Variants in DNAH7 observed in about 807,000 individuals in gnomAD.
The protein encoded by DNAH7 is dynein axonemal heavy chain 7.
Under a neutral mutation model 444.6 loss-of-function variants are expected in DNAH7, and 397 were observed. The ratio of observed to expected loss-of-function variants is 0.89; its 90% CI spans 0.82 to 0.97. The LOEUF (loss-of-function observed/expected upper bound fraction) is 0.97. Ranked by LOEUF, DNAH7 falls within the 50% of genes least tolerant of loss-of-function variation. DNAH7 has a pLI of 0.00. For missense variants in DNAH7, 4,902 were observed against 4,800.8 expected, an observed-to-expected ratio of 1.02 and a Z score of -0.62; for synonymous variants, 1,636 against 1,624.4, an observed-to-expected ratio of 1.01 and a Z score of -0.17.
At chr2:195,849,710 C>T (rs1445105268) in intron 46 of DNAH7, among the ~76,000 whole-genome samples, 1 of 152,126 alleles carries the variant, frequency 6.6e-6, no homozygotes, top group Non-Finnish European at 1.5e-5. Flanking sequence ...AAGCAATCCA[C>T]CCACCTCAGC....
At chr2:195,761,664 G>A (rs1694356981) in intron 61 of DNAH7, among the ~76,000 whole-genome samples, 1 of 152,176 alleles carries the variant, frequency 6.6e-6, no homozygotes, top group South Asian at 2.1e-4. Flanking sequence ...TACAGGCCAT[G>A]AGAAAGTGGC....
intron 39 of DNAH7, 59 bp from the exon 40 acceptor site, chr2:195,872,528 C>A: frequency 3.4e-6 from 4 of 1,180,864 alleles, no homozygotes; most frequent in Admixed American, 2.3e-5. Flanking sequence ...AATTACGACA[C>A]AAAAAGGATA....
At chr2:195,874,435 G>A (rs1700904734) in intron 38 of DNAH7, among the ~76,000 whole-genome samples, 2 of 152,114 alleles carry the variant, frequency 1.3e-5, no homozygotes, top group Admixed American at 1.3e-4. Flanking sequence ...CAGAAATGGG[G>A]TCCGAAAGGA....
intron 61 of DNAH7, among the ~76,000 whole-genome samples, chr2:195,770,860 C>T (rs1257335181): frequency 6.7e-6 from 1 of 150,058 alleles, no homozygotes; most frequent in Non-Finnish European, 1.5e-5. Flanking sequence ...CACCACAATG[C>T]CCAGCATTTT....
chr2:195,985,513 T>C (rs953446962), intron 14 of DNAH7, among the ~76,000 whole-genome samples: 2 of 152,216 alleles, frequency 1.3e-5, no homozygotes, highest in African/African-American at 2.4e-5. Context: ...TGTGACAGAC[T>C]TCTGCCCTCT....
chr2:195,913,308 T>C (rs1409697948), intron 24 of DNAH7, among the ~76,000 whole-genome samples: 2 of 152,174 alleles, frequency 1.3e-5, no homozygotes, highest in East Asian at 1.9e-4. Context: ...TTATTAACTT[T>C]AGGCTTTATT....
chr2:195,770,915 G>A lies in DNAH7; in HGVS notation c.11433+745C>T, dbSNP rs1481559855. Among the ~76,000 whole-genome samples, 9 of 151,368 alleles carry A rather than the reference G, an allele frequency of 5.9e-5. 1 individual carries two copies. The South Asian group carries it at 1.7e-3, about 28-fold the overall frequency. ...GACAAGGTCTTGCTGTGTTGCCAAG[G>A]AAGTTCTCAAACTCAAGCAGTCCTC... On this transcript the variant is annotated intron_variant, in intron 61 of 64. Transcript: ENST00000312428.
chr2:196,019,619 T>C (rs906962020), intron 8 of DNAH7, among the ~76,000 whole-genome samples: 4 of 152,216 alleles, frequency 2.6e-5, no homozygotes, highest in African/African-American at 9.6e-5. Flanking sequence ...CTATCTCTCA[T>C]AAACATCTTC....
chr2:195,936,199 C>A (rs1689039597), intron 20 of DNAH7, among the ~76,000 whole-genome samples: 2 of 151,966 alleles, frequency 1.3e-5, no homozygotes, highest in African/African-American at 4.8e-5. Flanking sequence ...CATGGTGAAA[C>A]CCTGTCCCTA....
chr2:195,864,330 C>T lies in DNAH7; in HGVS notation c.7325G>A (p.Arg2442His), dbSNP rs367603249. The T allele has an allele frequency of 6.6e-5, 106 of 1,614,116 alleles. No homozygotes were observed. The highest frequency in any genetic ancestry group is 2.4e-4 in the South Asian group (22 of 91,076). The stretch of plus-strand genomic sequence containing the variant: ...TGTTTGCTTGGTTTTATCCCGCTGG[C>T]GATCTAACTGACGCATCTTATCACA... ...EICDKMRQLD[R>H]QRDKTKQTDG... is the part of the protein sequence containing the mutation. Residue 2442 changes from arginine (R) to histidine (H), a missense_variant, in exon 41 of 65, where the codon CGC becomes CAC. Physicochemically the swap from Arg to His is conservative, Grantham distance 29. Coordinates refer to ENST00000312428, the MANE Select transcript of DNAH7 (RefSeq NM_018897.3).
intron 2 of DNAH7, among the ~76,000 whole-genome samples, chr2:196,056,721 G>A (rs879745563): frequency 1.3e-5 from 2 of 152,196 alleles, no homozygotes; most frequent in African/African-American, 2.4e-5. Flanking sequence ...GCCCATGGTT[G>A]TGTGGCCTTT....
rs116051676 is a variant in DNAH7 at position 195,970,469 on chromosome 2, T to C, written c.2059-375A>G. Among the ~76,000 whole-genome samples the C allele has an allele frequency of 1.9e-3, 290 of 152,194 alleles. 1 individual carries two copies. The highest frequency in any genetic ancestry group is 6.6e-3 in the African/African-American group (273 of 41,554). ...AATCAAGAATGGGACTAAAAGAAAA[T>C]TTCAATTTTTACCTATGCTATTTTT... is the stretch of plus-strand genomic sequence containing the variant. On this transcript the variant is annotated intron_variant, in intron 16 of 64. Transcript: ENST00000312428.
chr2:195,959,799 G>A (rs538673232), intron 18 of DNAH7, among the ~76,000 whole-genome samples: 11 of 152,180 alleles, frequency 7.2e-5, no homozygotes, highest in Middle Eastern at 3.4e-3. Context: ...TTGCCATCCC[G>A]CATGCATATG....
intron 36 of DNAH7, among the ~76,000 whole-genome samples, chr2:195,877,908 T>C (rs950950642): frequency 6.6e-6 from 1 of 152,218 alleles, no homozygotes. Context: ...CCAGTTAGAA[T>C]AGCAAAAACT....
In DNAH7 at chr2:195,934,693, C is replaced by G; in HGVS notation, c.3369G>C (p.Glu1123Asp). The G allele has an allele frequency of 6.2e-7, 1 of 1,614,104 alleles. No homozygotes were observed. The highest frequency in any genetic ancestry group is 8.5e-7 in the Non-Finnish European group (1 of 1,179,990). Residue 1123 changes from glutamate (E) to aspartate (D), a missense_variant, in exon 21 of 65, where the codon GAG becomes GAC. Transcript: ENST00000312428. Reference sequence around the variant, plus strand: ...AAATAATCTCTATGAGTTCTACAACCTCTCCTTCGCTGCTCTTCATGTGAG... The same window carrying G: ...AAATAATCTCTATGAGTTCTACAACGTCTCCTTCGCTGCTCTTCATGTGAG... ...DITHMKSSEG[E>D]VVELIEIIST...
At chr2:195,917,615 CCTT>C (rs553650282) in intron 24 of DNAH7, among the ~76,000 whole-genome samples, 56 of 152,296 alleles carry the variant, frequency 3.7e-4, no homozygotes, top group Non-Finnish European at 7.1e-4. Flanking sequence ...CTCAATCTCT[CCTT>C]CTGGCTTATG....
At chr2:196,045,190 A>G (rs1211050601) in intron 5 of DNAH7, among the ~76,000 whole-genome samples, 3 of 143,094 alleles carry the variant, frequency 2.1e-5, no homozygotes, top group Non-Finnish European at 3.0e-5. Flanking sequence ...AGAAGAGGAG[A>G]AGGAGGAGGA....
intron 10 of DNAH7, among the ~76,000 whole-genome samples, chr2:196,002,818 G>C (rs993291732): frequency 6.6e-6 from 1 of 152,004 alleles, no homozygotes; most frequent in Non-Finnish European, 1.5e-5. Flanking sequence ...GACCAGCCTG[G>C]CCAACATGGT....
chr2:195,960,654 C>A lies in DNAH7; in HGVS notation c.2497G>T (p.Asp833Tyr). ...ATGAGAGGAATGTGCTGCTTGAAAT[C>A]TTCCACCTTTGATCTTACTTTTTTT... ...MTKKVRSKVE[D>Y]FKQHIPLIQV... is the part of the protein sequence containing the mutation. Residue 833 changes from aspartate (D) to tyrosine (Y), a missense_variant, in exon 18 of 65, where the codon GAT becomes TAT. Transcript: ENST00000312428. 6.2e-7 allele frequency: 1 copy of A among 1,614,242 alleles called. No individual in the cohort carries two copies. Among genetic ancestry groups the A allele is most frequent in the Non-Finnish European group, 8.5e-7 (1 of 1,180,028 alleles).
Sources: allele counts gnomAD v4.1 joint callset (sites outside exome capture counted in the v4.1 genomes callset), GRCh38; gene constraint gnomAD v4.1.1; transcripts MANE v1.5; gene names NCBI Gene and HGNC (gene_info 2026-07-23, HGNC 2026-07-21).